The following EXOC4 variants were observed in gnomAD, a reference collection of about 807,000 sequenced individuals.
The protein encoded by EXOC4 is exocyst complex component 4.
A neutral mutation model predicts 107.2 loss-of-function variants in EXOC4; 71 were observed. That is an observed-to-expected ratio of 0.66 (90% CI 0.55 to 0.81). The LOEUF (loss-of-function observed/expected upper bound fraction) is 0.81. EXOC4 is among the 30% of genes least tolerant of loss of function. The pLI, the probability that EXOC4 is intolerant of heterozygous loss-of-function variation, is 0.00. For synonymous variants in EXOC4, 456 were observed against 441.2 expected (o/e 1.03, Z -0.42); for missense variants, 1,108 against 1,189.6 (o/e 0.93, Z 1.01).
At chr7:133,499,856 C>A (rs1799544703) in intron 9 of EXOC4, among the ~76,000 whole-genome samples, 1 of 152,168 alleles carries the variant, frequency 6.6e-6, no homozygotes, top group Admixed American at 6.5e-5. Context: ...GAAGCAGAAG[C>A]CGCTATGCTT....
chr7:133,907,576 AC>A (rs1799595207), intron 12 of EXOC4, among the ~76,000 whole-genome samples: 1 of 152,120 alleles, frequency 6.6e-6, no homozygotes, highest in Non-Finnish European at 1.5e-5. Context: ...GGTGGCTCAC[AC>A]CTGTAATCTC....
intron 10 of EXOC4, among the ~76,000 whole-genome samples, chr7:133,811,299 T>C (rs1053308192): frequency 6.6e-6 from 1 of 152,192 alleles, no homozygotes; most frequent in Non-Finnish European, 1.5e-5. Flanking sequence ...ATGAGATTCT[T>C]TTCACTGTTA....
chr7:133,263,151 A>G (rs1162650868), intron 1 of EXOC4, among the ~76,000 whole-genome samples: 1 of 152,100 alleles, frequency 6.6e-6, no homozygotes, highest in Non-Finnish European at 1.5e-5. Flanking sequence ...TCCCTTTATA[A>G]ATTACCTAGT....
At chr7:133,506,696 C>T (rs970429601) in intron 9 of EXOC4, among the ~76,000 whole-genome samples, 2 of 151,984 alleles carry the variant, frequency 1.3e-5, no homozygotes, top group Admixed American at 6.6e-5. Flanking sequence ...TCTATGGAAA[C>T]ATCATTTCTT....
chr7:133,286,130 C>T (rs915059890), intron 2 of EXOC4, among the ~76,000 whole-genome samples: 2 of 151,992 alleles, frequency 1.3e-5, no homozygotes, highest in Admixed American at 6.6e-5. Flanking sequence ...CTTTTCCTTC[C>T]TTGGAACTCC....
At chr7:133,327,519 A>G (rs1292560496) in intron 5 of EXOC4, among the ~76,000 whole-genome samples, 2 of 151,710 alleles carry the variant, frequency 1.3e-5, no homozygotes, top group African/African-American at 4.8e-5. Flanking sequence ...TGTTCTTTCA[A>G]TTGTGATGTT....
At chr7:133,576,868 A>T in intron 9 of EXOC4, 3 of 1,289,580 alleles carry the variant, frequency 2.3e-6, no homozygotes, top group South Asian at 1.2e-5. Context: ...AGATGAATTC[A>T]TCGGGTAATG....
At chr7:133,553,023 G>A in intron 9 of EXOC4, among the ~76,000 whole-genome samples, 1 of 152,060 alleles carries the variant, frequency 6.6e-6, no homozygotes, top group East Asian at 1.9e-4. Flanking sequence ...CATGCACTGA[G>A]CTCCAGTACT....
chr7:133,446,000 A>G (rs1268392637), intron 7 of EXOC4, among the ~76,000 whole-genome samples: 1 of 123,806 alleles, frequency 8.1e-6, no homozygotes, highest in East Asian at 2.5e-4. Flanking sequence ...TGGGTGACAG[A>G]ACGGAACCCT....
intron 9 of EXOC4, among the ~76,000 whole-genome samples, chr7:133,610,423 A>G (rs1303385435): frequency 2.6e-5 from 4 of 152,196 alleles, no homozygotes; most frequent in African/African-American, 9.6e-5. Flanking sequence ...TGCCCTTCTT[A>G]GTAAGTTTTT....
intron 13 of EXOC4, among the ~76,000 whole-genome samples, chr7:133,921,609 T>A (rs76107335): frequency 0.029 from 4,388 of 152,122 alleles, 96 homozygotes; most frequent in Middle Eastern, 0.054. Context: ...TCTTTAAAGA[T>A]TTTTTTTGTC....
At chr7:133,513,917 A>G (rs986707941) in intron 9 of EXOC4, among the ~76,000 whole-genome samples, 2 of 152,158 alleles carry the variant, frequency 1.3e-5, no homozygotes, top group Admixed American at 1.3e-4. Flanking sequence ...AATTGGACAG[A>G]GGAGAAAATT....
At chr7:133,365,486 C>A (rs962343470) in intron 6 of EXOC4, among the ~76,000 whole-genome samples, 3 of 152,278 alleles carry the variant, frequency 2.0e-5, no homozygotes, top group Non-Finnish European at 2.9e-5. Context: ...AGAAACCTGA[C>A]TTGACAAGGA....
intron 9 of EXOC4, among the ~76,000 whole-genome samples, chr7:133,573,790 A>G (rs142576231): frequency 6.6e-6 from 1 of 152,262 alleles, no homozygotes; most frequent in Non-Finnish European, 1.5e-5. Context: ...AAGTGCTGGG[A>G]TTAGAGGCAT....
Position 133,598,368 on chromosome 7 carries a change from C to T in EXOC4, c.1418-31677C>T, listed in dbSNP as rs74512028. Among the ~76,000 whole-genome samples, 735 of 152,258 alleles carry T rather than the reference C, an allele frequency of 4.8e-3. 3 individuals carry two copies. The highest frequency in any genetic ancestry group is 0.017 in the Middle Eastern group (5 of 294). Reference sequence around the variant, plus strand: ...CCCTTTGTCCTTTTGAAAGCTGTGCCAATATCAGCAGAATGATGTCTGATG... The same window carrying T: ...CCCTTTGTCCTTTTGAAAGCTGTGCTAATATCAGCAGAATGATGTCTGATG... On this transcript the variant is annotated intron_variant, in intron 9 of 17. Coordinates refer to ENST00000253861, the MANE Select transcript of EXOC4 (RefSeq NM_021807.4).
At chr7:133,532,673 T>A (rs1359347003) in intron 9 of EXOC4, among the ~76,000 whole-genome samples, 2 of 152,056 alleles carry the variant, frequency 1.3e-5, no homozygotes, top group African/African-American at 2.4e-5. Flanking sequence ...TTGGAAGCCA[T>A]GTTTGATTTT....
intron 17 of EXOC4, among the ~76,000 whole-genome samples, chr7:134,040,886 C>T (rs909685595): frequency 6.6e-6 from 1 of 152,090 alleles, no homozygotes; most frequent in Admixed American, 6.5e-5. Context: ...TATAGGTGGT[C>T]GGGCCTTCTC....
At chr7:133,390,104 A>G (rs558664960) in intron 7 of EXOC4, among the ~76,000 whole-genome samples, 1 of 152,252 alleles carries the variant, frequency 6.6e-6, no homozygotes, top group East Asian at 1.9e-4. Context: ...AGCTAGATTG[A>G]TCATGGGGGA....
intron 10 of EXOC4, among the ~76,000 whole-genome samples, chr7:133,757,272 A>G (rs1307638200): frequency 6.6e-6 from 1 of 152,224 alleles, no homozygotes; most frequent in Non-Finnish European, 1.5e-5. Context: ...TTTTATGGCT[A>G]TAGTTAAATG....
Sources: gnomAD v4.1 joint callset for allele counts (sites outside exome capture counted in the v4.1 genomes callset) on GRCh38, gnomAD v4.1.1 for gene constraint, MANE v1.5 for transcripts, NCBI Gene and HGNC (gene_info 2026-07-23, HGNC 2026-07-21) for gene names.